AHDC1: variants seen among roughly 807,000 people sequenced by gnomAD.
The protein encoded by AHDC1 is AT-hook DNA binding motif containing 1.
Under a neutral mutation model 87.9 loss-of-function variants are expected in AHDC1, and 7 were observed. The observed-to-expected ratio is 0.08, with a 90% CI of 0.05 to 0.15. The LOEUF (loss-of-function observed/expected upper bound fraction) is 0.15, where lower values mean the gene tolerates loss of function less well. Among genes scored for constraint, AHDC1 ranks in the 10% least tolerant of loss-of-function variants. AHDC1 has a pLI of 1.00. For synonymous variants in AHDC1, 1,051 were observed against 1,006.8 expected, an observed-to-expected ratio of 1.04 and a Z score of -0.83; for missense variants, 1,841 against 2,253.2, an observed-to-expected ratio of 0.82 and a Z score of 3.70.
chr1:27,557,417 GC>G, intron 5 of AHDC1, among the ~76,000 whole-genome samples: 1 of 128,886 alleles, frequency 7.8e-6, no homozygotes, highest in Admixed American at 8.1e-5. Context: ...CTTGTTCCAC[GC>G]CCCCCCGCTC....
chr1:27,577,337 C>G (rs1351280168), intron 3 of AHDC1, among the ~76,000 whole-genome samples: 1 of 152,224 alleles, frequency 6.6e-6, no homozygotes, highest in African/African-American at 2.4e-5. Flanking sequence ...CAGCTCCTGC[C>G]GTGCGGCAGC....
At chr1:27,535,502 T>C (rs528731410) in intron 8 of AHDC1, among the ~76,000 whole-genome samples, 36 of 152,290 alleles carry the variant, frequency 2.4e-4, no homozygotes, top group African/African-American at 8.4e-4. Flanking sequence ...CAACTTAGGC[T>C]GTTCTGAGGA....
chr1:27,555,218 T>C (rs1571254495), intron 5 of AHDC1, among the ~76,000 whole-genome samples: 1 of 152,240 alleles, frequency 6.6e-6, no homozygotes, highest in Non-Finnish European at 1.5e-5. Flanking sequence ...ATGTGACTCA[T>C]AGATGTGAAG....
At chr1:27,585,755 C>T (rs1017693297) in intron 3 of AHDC1, among the ~76,000 whole-genome samples, 1 of 152,154 alleles carries the variant, frequency 6.6e-6, no homozygotes, top group Non-Finnish European at 1.5e-5. Flanking sequence ...CTAATCCCCC[C>T]ACCCTAGTCC....
chr1:27,584,836 C>T (rs1008385252), intron 3 of AHDC1, among the ~76,000 whole-genome samples: 4 of 152,084 alleles, frequency 2.6e-5, no homozygotes, highest in Non-Finnish European at 4.4e-5. Flanking sequence ...GATGCCTTAT[C>T]CCCCAGGAAT....
rs759567965 is a variant in AHDC1 at position 27,551,844 on chromosome 1, G to C, written c.272C>G (p.Pro91Arg). 1.2e-5 allele frequency: 20 copies of C among 1,610,694 alleles called. No homozygotes were observed. The highest frequency in any genetic ancestry group is 1.7e-5 in the Non-Finnish European group (20 of 1,179,222). ...TGTGGGGCAGCGGGCCTGTGAGACAGGACGGGCTGCCCGTGGGGGCAGCGG... is the reference window on the plus strand; with the variant it reads ...TGTGGGGCAGCGGGCCTGTGAGACACGACGGGCTGCCCGTGGGGGCAGCGG... Reference protein sequence around the residue: ...DDPLPPRAARPVSQARCPTPV... With the variant: ...DDPLPPRAARRVSQARCPTPV... Residue 91 changes from proline to arginine, a missense_variant, in exon 8 of 9, where the codon CCT (proline) becomes CGT (arginine). This residue lies in a region of AHDC1 where 142 missense variants were observed against 165.6 expected (regional missense o/e 0.86). Coordinates refer to ENST00000673934, the MANE Select transcript of AHDC1 (RefSeq NM_001371928.1).
chr1:27,541,001 TAA>T (rs55912405), intron 8 of AHDC1, among the ~76,000 whole-genome samples: 13,140 of 72,618 alleles, frequency 0.18, 871 homozygotes, highest in Middle Eastern at 0.2. Flanking sequence ...CTAAAAATGC[TAA>T]AAAAAAAAAA....
chr1:27,593,445 T>A lies in AHDC1; in HGVS notation c.-629+9952A>T, dbSNP rs540789208. Among the ~76,000 whole-genome samples, 77 of 152,306 alleles carry A rather than the reference T, an allele frequency of 5.1e-4. No individual in the cohort carries two copies. The highest frequency in any genetic ancestry group is 8.5e-4 in the Non-Finnish European group (58 of 68,008). ...GGCAGGCTGGGACCCAGGTCCCTGG[T>A]GTCCATGGGCAAAGATGGACCCATT... On this transcript the variant is annotated intron_variant, in intron 3 of 8. Coordinates refer to ENST00000673934, the MANE Select transcript of AHDC1 (RefSeq NM_001371928.1). The surrounding 1 kb of genome is among the most constrained non-coding windows in gnomAD (Gnocchi z 4.9).
chr1:27,551,869 G>C lies in AHDC1; in HGVS notation c.247C>G (p.Pro83Ala), dbSNP rs781681355. Residue 83 changes from proline (P) to alanine (A), a missense_variant, in exon 8 of 9, where the codon CCG becomes GCG. Physicochemically the swap from Pro to Ala is conservative, Grantham distance 27. Around this residue, in one of 13 missense-constraint regions of AHDC1, gnomAD observed 142 missense variants for 165.6 expected, o/e 0.86. Transcript: ENST00000673934. ...RPPVLAKGDD[P>A]LPPRAARPVS... is the part of the protein sequence containing the mutation. ...GGACGGGCTGCCCGTGGGGGCAGCG[G>C]GTCGTCCCCCTTGGCAAGGACTGGT... 2.5e-6 allele frequency: 4 copies of C among 1,608,856 alleles called. No individual in the cohort carries two copies. The highest frequency in any genetic ancestry group is 3.4e-6 in the Non-Finnish European group (4 of 1,178,060).
rs142913680 is a variant in AHDC1 at position 27,547,853 on chromosome 1, G to A, written c.4263C>T (p.Ala1421=). The change falls in exon 8 of 9, where the codon GCC becomes GCT. Residue 1421 remains alanine (A), a synonymous_variant. Coordinates refer to ENST00000673934, the MANE Select transcript of AHDC1 (RefSeq NM_001371928.1). This position sits in a 1 kb window ranked among gnomAD's most constrained non-coding sequence, Gnocchi z 4.9. ...GGAGTCCATGCTTGAGGGGCTCGCA[G>A]GCAGCCAGCTTTGTGGGCGGTGGCC... ...ELRPPPTKLA[A]CEPLKHGLQG... is the part of the protein sequence containing the mutation. The A allele has an allele frequency of 2.6e-6, 4 of 1,548,192 alleles. No homozygotes were observed. Among genetic ancestry groups the A allele is most frequent in the Non-Finnish European group, 3.5e-6 (4 of 1,144,718 alleles).
chr1:27,547,214 T>C lies in AHDC1; in HGVS notation c.*43+47A>G. On this transcript the variant is annotated intron_variant, in intron 8 of 8. Transcript: ENST00000673934. The surrounding 1 kb of genome is among the most constrained non-coding windows in gnomAD (Gnocchi z 4.9). ...CCTTGCCTAAGCTCTGATGTCCTCT[T>C]CCCACCCCCAGGCCTCTGCCCACTG... 7.5e-7 allele frequency: 1 copy of C among 1,334,976 alleles called. No homozygotes were observed. The highest frequency in any genetic ancestry group is 1.0e-6 in the Non-Finnish European group (1 of 982,196). 82.7% of individuals were successfully genotyped at this position (1,334,976 alleles called of 1,614,324 possible).
intron 8 of AHDC1, among the ~76,000 whole-genome samples, chr1:27,538,707 G>T (rs2018767388): frequency 6.6e-6 from 1 of 151,988 alleles, no homozygotes. Context: ...AAAAGACAAG[G>T]TTCCATCATG....
chr1:27,540,558 TGA>T (rs2018858528), intron 8 of AHDC1, among the ~76,000 whole-genome samples: 1 of 149,630 alleles, frequency 6.7e-6, no homozygotes, highest in African/African-American at 2.5e-5. Context: ...GCAGAGAGGG[TGA>T]GAGATTAATT....
rs372265193 is a variant in AHDC1 at position 27,595,450 on chromosome 1, CTGTG to C, written c.-629+7943_-629+7946del. 1.0e-3 allele frequency among the ~76,000 whole-genome samples: 149 copies of C among 144,782 alleles called. No homozygotes were observed. The highest frequency in any genetic ancestry group is 3.5e-3 in the Middle Eastern group (1 of 286). The allele number at this position is 144,782 out of a possible 152,430, so 95.0% of individuals were successfully genotyped here. A position where few individuals can be genotyped will look rare whatever the true frequency, so the allele number is the denominator to read the frequency against. ...GGTTGATATGCTGAGGGTGTGATAG[CTGTG>C]TGTGTGTGTGTGTGTGATTGTGTGT... On this transcript the variant is annotated intron_variant, in intron 3 of 8. Coordinates refer to ENST00000673934, the MANE Select transcript of AHDC1 (RefSeq NM_001371928.1). This position sits in a 1 kb window ranked among gnomAD's most constrained non-coding sequence, Gnocchi z 4.0.
intron 3 of AHDC1, among the ~76,000 whole-genome samples, chr1:27,574,107 C>G (rs948449331): frequency 6.6e-6 from 1 of 152,168 alleles, no homozygotes; most frequent in Non-Finnish European, 1.5e-5. Context: ...AGTGAAAGGT[C>G]AGCAAGGAGA....
At chr1:27,541,370 G>A (rs1037761657) in intron 8 of AHDC1, among the ~76,000 whole-genome samples, 2 of 152,082 alleles carry the variant, frequency 1.3e-5, no homozygotes, top group Non-Finnish European at 1.5e-5. Flanking sequence ...CCAGGCTGGA[G>A]TGCAGTGGTA....
At chr1:27,591,713 A>G (rs892315317) in intron 3 of AHDC1, among the ~76,000 whole-genome samples, 1 of 152,192 alleles carries the variant, frequency 6.6e-6, no homozygotes, top group African/African-American at 2.4e-5. Flanking sequence ...AGGGACATAC[A>G]GACCCGGATT....
chr1:27,593,079 G>C lies in AHDC1; in HGVS notation c.-629+10318C>G, dbSNP rs2089271729. Among the ~76,000 whole-genome samples the C allele has an allele frequency of 6.6e-6, 1 of 152,090 alleles. No homozygotes were observed. The highest frequency in any genetic ancestry group is 1.5e-5 in the Non-Finnish European group (1 of 67,994). The stretch of plus-strand genomic sequence containing the variant: ...CAAGGAGCTGAGCAACAGCTGCGGT[G>C]CTGCCCCTCCAGGGGACACAGGCCT... On this transcript the variant is annotated intron_variant, in intron 3 of 8. Coordinates refer to ENST00000673934, the MANE Select transcript of AHDC1 (RefSeq NM_001371928.1). The surrounding 1 kb of genome is among the most constrained non-coding windows in gnomAD (Gnocchi z 4.9).
rs1482327375 is a variant in AHDC1, at chr1:27,590,383, G to A, written c.-629+13014C>T. ...GGCCCACACCTCCCAACCAAAGATG[G>A]CTTCCCAGCACCCCCAGGCAAACTA... On this transcript the variant is annotated intron_variant, in intron 3 of 8. Coordinates refer to ENST00000673934, the MANE Select transcript of AHDC1 (RefSeq NM_001371928.1). The surrounding 1 kb of genome is among the most constrained non-coding windows in gnomAD (Gnocchi z 5.4). Among the ~76,000 whole-genome samples the A allele has an allele frequency of 6.6e-6, 1 of 152,106 alleles. No individual in the cohort carries two copies. The highest frequency in any genetic ancestry group is 1.5e-5 in the Non-Finnish European group (1 of 67,998).
Sources: allele counts gnomAD v4.1 joint callset (sites outside exome capture counted in the v4.1 genomes callset), GRCh38; gene constraint gnomAD v4.1.1; regional missense constraint gnomAD v4.1.1; non-coding constraint Gnocchi (gnomAD v3.1); transcripts MANE v1.5; gene names NCBI Gene and HGNC (gene_info 2026-07-23, HGNC 2026-07-21).